Variants in MYH15 observed in about 807,000 individuals in gnomAD.
The protein encoded by MYH15 is myosin-15.
Under a neutral mutation model 240.5 loss-of-function variants are expected in MYH15, and 227 were observed. The observed-to-expected ratio is 0.94, with a 90% CI of 0.85 to 1.05. MYH15 has a LOEUF of 1.05. MYH15 is among the 50% of genes least tolerant of loss of function. The pLI, the probability that MYH15 is intolerant of heterozygous loss-of-function variation, is 0.00. For synonymous variants in MYH15, 785 were observed against 796.7 expected, an observed-to-expected ratio of 0.99 and a Z score of 0.25; for missense variants, 2,217 against 2,247.5, an observed-to-expected ratio of 0.99 and a Z score of 0.27.
rs2083099574 is a variant in MYH15 at position 108,464,682 on chromosome 3, T to C, written c.1687A>G (p.Lys563Glu). ...AGTTCAAAATGAGCTTCAAATTTCT[T>C]CTTATCAGGCTTGGGCTTCTGGAGA... is the stretch of plus-strand genomic sequence containing the variant. ...VHLQKPKPDKKKFEAHFELVH... is the reference protein window; with the variant it reads ...VHLQKPKPDKEKFEAHFELVH... The change falls in exon 15 of 41, where the codon AAG becomes GAG. Residue 563 changes from lysine (K) to glutamate (E), a missense_variant. Transcript: ENST00000693548. 6.2e-7 allele frequency: 1 copy of C among 1,613,706 alleles called. No homozygotes were observed. Among genetic ancestry groups the C allele is most frequent in the East Asian group, 2.2e-5 (1 of 44,860 alleles).
intron 28 of MYH15, among the ~76,000 whole-genome samples, chr3:108,419,821 G>C (rs2082666842): frequency 6.6e-6 from 1 of 151,942 alleles, no homozygotes; most frequent in Admixed American, 6.5e-5. Flanking sequence ...GCCCAAATGT[G>C]TTCATTCTCT....
chr3:108,422,318 A>T (rs532327721), intron 27 of MYH15, among the ~76,000 whole-genome samples: 1 of 151,816 alleles, frequency 6.6e-6, no homozygotes, highest in East Asian at 1.9e-4. Context: ...CCCAGGTTCA[A>T]GCGATTCTCC....
chr3:108,385,604 C>A (rs1240427853), intron 38 of MYH15, among the ~76,000 whole-genome samples: 1 of 152,122 alleles, frequency 6.6e-6, no homozygotes, highest in Admixed American at 6.6e-5. Flanking sequence ...TGGAATATTT[C>A]CATATTGGAG....
chr3:108,546,882 G>A, the MYH15 span, among the ~76,000 whole-genome samples: 3 of 152,178 alleles, frequency 2.0e-5, no homozygotes, highest in Admixed American at 1.3e-4. Context: ...AAGTCAGTTC[G>A]CTGCAAAATG....
chr3:108,432,051 C>T (rs1414749248), intron 25 of MYH15, among the ~76,000 whole-genome samples: 2 of 140,706 alleles, frequency 1.4e-5, no homozygotes, highest in African/African-American at 5.0e-5. Context: ...CTGTTAAATG[C>T]ATTCAGTTTT....
At chr3:108,427,633 C>G (rs200634907) in intron 27 of MYH15, among the ~76,000 whole-genome samples, 22,464 of 110,692 alleles carry the variant, frequency 0.2, 1,801 homozygotes, top group South Asian at 0.36. Context: ...CACACACACA[C>G]ACAGAGAGAG....
chr3:108,500,765 T>C (rs952076405), intron 3 of MYH15, among the ~76,000 whole-genome samples: 6 of 152,200 alleles, frequency 3.9e-5, no homozygotes, highest in Non-Finnish European at 7.3e-5. Context: ...TTGGAAAAAA[T>C]AGTCTTTACA....
chr3:108,473,459 T>C (rs2107588870), intron 12 of MYH15, among the ~76,000 whole-genome samples: 1 of 152,302 alleles, frequency 6.6e-6, no homozygotes, highest in South Asian at 2.1e-4. Context: ...TAAATGTTAA[T>C]CCTCCCTTTT....
intron 27 of MYH15, among the ~76,000 whole-genome samples, chr3:108,427,738 A>G (rs745705889): frequency 6.6e-6 from 1 of 152,212 alleles, no homozygotes; most frequent in African/African-American, 2.4e-5. Context: ...AAACCACTCC[A>G]TATCACTGAA....
intron 21 of MYH15, among the ~76,000 whole-genome samples, chr3:108,445,996 A>G (rs1419017418): frequency 6.6e-6 from 1 of 152,156 alleles, no homozygotes. Context: ...AGACTCCAGG[A>G]TGACCCTTAC....
chr3:108,467,138 T>C (rs986458600), intron 14 of MYH15, among the ~76,000 whole-genome samples: 2 of 151,830 alleles, frequency 1.3e-5, no homozygotes, highest in African/African-American at 4.8e-5. Flanking sequence ...GAGTAATTAA[T>C]TGACAGGTGA....
At chr3:108,547,178 A>AT in the MYH15 span, among the ~76,000 whole-genome samples, 1 of 151,514 alleles carries the variant, frequency 6.6e-6, no homozygotes, top group Non-Finnish European at 1.5e-5. Context: ...ATTTTTTTTT[A>AT]TTTTTTGTGG....
chr3:108,449,543 C>T (rs758317249), intron 21 of MYH15, among the ~76,000 whole-genome samples: 1 of 151,898 alleles, frequency 6.6e-6, no homozygotes, highest in Non-Finnish European at 1.5e-5. Flanking sequence ...ATGCAGAAGA[C>T]TAAGTGGATC....
intron 27 of MYH15, among the ~76,000 whole-genome samples, chr3:108,424,994 T>C (rs922805634): frequency 6.6e-6 from 1 of 152,196 alleles, no homozygotes; most frequent in East Asian, 1.9e-4. Flanking sequence ...CAAAGCACTG[T>C]AGTAAACATG....
chr3:108,471,025 AAAAGAAAG>A (rs140380789), intron 12 of MYH15, among the ~76,000 whole-genome samples, 178 bp from the exon 13 acceptor site: 3 of 129,822 alleles, frequency 2.3e-5, no homozygotes, highest in African/African-American at 5.4e-5. Context: ...GAGAGAGAGA[AAAAGAAAG>A]AAAGAAAGAA....
chr3:108,475,614 C>T (rs936630682), intron 12 of MYH15, among the ~76,000 whole-genome samples: 5 of 152,280 alleles, frequency 3.3e-5, no homozygotes, highest in African/African-American at 1.2e-4. Context: ...CTACAAAGAA[C>T]TACATAGAAC....
intron 25 of MYH15, among the ~76,000 whole-genome samples, chr3:108,436,409 G>A (rs982568305): frequency 2.6e-5 from 4 of 152,158 alleles, no homozygotes; most frequent in East Asian, 1.9e-4. Flanking sequence ...AGCAGAATAT[G>A]AGTCAAGCCT....
chr3:108,520,997 G>A (rs545074635), intron 1 of MYH15, among the ~76,000 whole-genome samples: 15 of 152,202 alleles, frequency 9.9e-5, no homozygotes, highest in African/African-American at 3.6e-4. Context: ...AAAGGCAGAG[G>A]TGATAAGCTA....
At chr3:108,455,609 C>A in intron 20 of MYH15, 127 bp downstream of exon 20, 1 of 1,089,458 alleles carries the variant, frequency 9.2e-7, no homozygotes, top group Non-Finnish European at 1.3e-6. Flanking sequence ...CAGCTAAGAT[C>A]TGTTTGTGAT....
Sources: gnomAD v4.1 joint callset for allele counts (sites outside exome capture counted in the v4.1 genomes callset) on GRCh38, gnomAD v4.1.1 for gene constraint, MANE v1.5 for transcripts, NCBI Gene and HGNC (gene_info 2026-07-23, HGNC 2026-07-21) for gene names.